The following PTPRU variants were observed in gnomAD, a reference collection of about 807,000 sequenced individuals.
PTPRU encodes the protein protein tyrosine phosphatase receptor type U.
In PTPRU, 69 loss-of-function variants were observed where a neutral mutation model predicts 166.3. That is an observed-to-expected ratio of 0.41 (90% CI 0.34 to 0.51). PTPRU has a LOEUF of 0.51. Ranked by LOEUF, PTPRU falls within the 20% of genes least tolerant of loss-of-function variation. The probability of loss-of-function intolerance (pLI) is 0.09; values close to 1 mark genes in which losing one functional copy is unlikely to be tolerated. For synonymous variants in PTPRU, 793 were observed against 814.0 expected (o/e 0.97, Z 0.44); for missense variants, 1,657 against 2,013.7 (o/e 0.82, Z 3.39).
At position 29,260,106 on chromosome 1, in the gene PTPRU, G is replaced by T; in HGVS notation, c.850+62G>T. On this transcript the variant is annotated intron_variant, in intron 6 of 29. Coordinates refer to ENST00000373779, the MANE Select transcript of PTPRU (RefSeq NM_133178.4). The surrounding 1 kb of genome is among the most constrained non-coding windows in gnomAD (Gnocchi z 8.3). ...CCCTCGAGGGGCGGGGCCGGCGACG[G>T]GGGCGGGCTCTGCCCGGGGGCGTGG... is the stretch of plus-strand genomic sequence containing the variant. 1 of 1,346,168 alleles carries T rather than the reference G, an allele frequency of 7.4e-7. No individual in the cohort carries two copies. The highest frequency in any genetic ancestry group is 9.5e-7 in the Non-Finnish European group (1 of 1,052,538). The allele number at this position is 1,346,168 out of a possible 1,614,324, so 83.4% of individuals were successfully genotyped here. A position where few individuals can be genotyped will look rare whatever the true frequency, so the allele number is the denominator to read the frequency against.
chr1:29,302,023 C>T (rs958875057), intron 15 of PTPRU, among the ~76,000 whole-genome samples: 4 of 151,994 alleles, frequency 2.6e-5, no homozygotes, highest in East Asian at 1.9e-4. Flanking sequence ...TAGAAGGCAA[C>T]GTTTTCATAG....
Position 29,260,850 on chromosome 1 carries a change from A to G in PTPRU, c.1091A>G (p.Asp364Gly), listed in dbSNP as rs766201050. 43 of 1,606,742 alleles carry G rather than the reference A, an allele frequency of 2.7e-5. No homozygotes were observed. Among genetic ancestry groups the G allele is most frequent in the Non-Finnish European group, 3.6e-5 (42 of 1,177,740 alleles). ...AGCGTGCTGCTCACGCGTCCCGGAG[A>G]CGGCGGCACTGGCCGCCCTGGGCCA... ...EISVLLTRPG[D>G]GGTGRPGPPL... is the part of the protein sequence containing the mutation. The change falls in exon 7 of 30, where the codon GAC becomes GGC. Residue 364 changes from aspartate to glycine, a missense_variant. Asp to Gly is a moderately conservative substitution (Grantham distance 94). Transcript: ENST00000373779. The surrounding 1 kb of genome is among the most constrained non-coding windows in gnomAD (Gnocchi z 8.3).
At chr1:29,287,657 C>T (rs1182850252) in intron 14 of PTPRU, among the ~76,000 whole-genome samples, 10 of 150,800 alleles carry the variant, frequency 6.6e-5, no homozygotes, top group Admixed American at 3.3e-4. Context: ...TGCGGTGGCG[C>T]GATCTCAGCT....
Position 29,236,607 on chromosome 1 carries a change from C to A in PTPRU, c.-38C>A. 8.2e-7 allele frequency: 1 copy of A among 1,217,286 alleles called. No individual in the cohort carries two copies. The highest frequency in any genetic ancestry group is 4.0e-5 in the South Asian group (1 of 25,086). The allele number at this position is 1,217,286 out of a possible 1,614,324, so 75.4% of individuals were successfully genotyped here. ...GCTCGGGCTCCGGGGGCGGCGTCCC[C>A]CGCGCCGGGCCCCGGGACGGGCGGC... is the stretch of plus-strand genomic sequence containing the variant. On this transcript the variant is annotated 5_prime_UTR_variant, in exon 1 of 30. Transcript: ENST00000373779. This position sits in a 1 kb window ranked among gnomAD's most constrained non-coding sequence, Gnocchi z 4.6.
chr1:29,325,985 GGCCAAGCCCCTTGGCAC>G lies in PTPRU; in HGVS notation c.*325_*341del. 2.3e-6 allele frequency: 1 copy of G among 435,320 alleles called. No homozygotes were observed. The highest frequency in any genetic ancestry group is 4.0e-6 in the Non-Finnish European group (1 of 250,256). The allele number at this position is 435,320 out of a possible 1,614,324, so 27.0% of individuals were successfully genotyped here. A position where few individuals can be genotyped will look rare whatever the true frequency, so the allele number is the denominator to read the frequency against. On this transcript the variant is annotated 3_prime_UTR_variant, in exon 30 of 30. Coordinates refer to ENST00000373779, the MANE Select transcript of PTPRU (RefSeq NM_133178.4). ...AGGACGGCTGGCTCTGGGGGACTCA[GGCCAAGCCCCTTGGCAC>G]CATCCTGGCTTTTGGCAGGGATGAG...
In PTPRU at chr1:29,279,094, G is replaced by A; in HGVS notation, c.1536G>A (p.Glu512=). ...MIFLKWEEPQ[E]PNGLITQYEI... is the part of the protein sequence containing the mutation. ...TCCTCAAGTGGGAGGAGCCCCAGGA[G>A]CCCAATGGTCTCATCACCCAGTATG... is the stretch of plus-strand genomic sequence containing the variant. The change falls in exon 9 of 30, where the codon GAG becomes GAA. Residue 512 remains glutamate, a synonymous_variant. Coordinates refer to ENST00000373779, the MANE Select transcript of PTPRU (RefSeq NM_133178.4). The surrounding 1 kb of genome is among the most constrained non-coding windows in gnomAD (Gnocchi z 5.2). 1 of 1,584,400 alleles carries A rather than the reference G, an allele frequency of 6.3e-7. No homozygotes were observed. The highest frequency in any genetic ancestry group is 2.3e-5 in the East Asian group (1 of 43,258).
chr1:29,238,119 GT>G lies in PTPRU; in HGVS notation c.73+1403del, dbSNP rs1406545762. On this transcript the variant is annotated intron_variant, in intron 1 of 29. Transcript: ENST00000373779. This position sits in a 1 kb window ranked among gnomAD's most constrained non-coding sequence, Gnocchi z 6.1. The stretch of plus-strand genomic sequence containing the variant: ...GTGTGGCTCCGCGCTTGTCTGCTGT[GT>G]GGTCGCGTTCTCCGGGTGTGTTTCG... Among the ~76,000 whole-genome samples, 18 of 152,086 alleles carry G rather than the reference GT, an allele frequency of 1.2e-4. No homozygotes were observed. The East Asian group carries it at 3.1e-3, about 26-fold the overall frequency.
At chr1:29,295,347 TTC>T (rs1686834986) in intron 15 of PTPRU, among the ~76,000 whole-genome samples, 1 of 152,162 alleles carries the variant, frequency 6.6e-6, no homozygotes, top group South Asian at 2.1e-4. Flanking sequence ...GCTCGGCTAA[TTC>T]TCTTTGTTAT....
intron 26 of PTPRU, among the ~76,000 whole-genome samples, chr1:29,322,914 G>T (rs747990794): frequency 1.2e-4 from 18 of 149,734 alleles, no homozygotes; most frequent in Non-Finnish European, 2.4e-4. Flanking sequence ...AGAAGTGGGG[G>T]TACTGAACTG....
intron 4 of PTPRU, 23 bp downstream of exon 4, chr1:29,259,365 C>T (rs372448401): frequency 1.1e-5 from 18 of 1,612,352 alleles, no homozygotes; most frequent in Non-Finnish European, 1.5e-5. Context: ...CCACTGGGGG[C>T]GCAGGGGTAA....
chr1:29,285,896 G>A lies in PTPRU; in HGVS notation c.2318+1027G>A, dbSNP rs531854473. Among the ~76,000 whole-genome samples the A allele has an allele frequency of 1.5e-4, 23 of 152,352 alleles. 1 individual carries two copies. The highest frequency in any genetic ancestry group is 1.2e-3 in the Admixed American group (18 of 15,308). Reference sequence around the variant, plus strand: ...AGCGCCTTAAATGAGGGATGGGGATGTTGAGGCCTAGAGGGCACGCAGGGC... The same window carrying A: ...AGCGCCTTAAATGAGGGATGGGGATATTGAGGCCTAGAGGGCACGCAGGGC... On this transcript the variant is annotated intron_variant, in intron 14 of 29. Coordinates refer to ENST00000373779, the MANE Select transcript of PTPRU (RefSeq NM_133178.4).
chr1:29,263,762 A>C (rs1256728910), intron 7 of PTPRU, among the ~76,000 whole-genome samples: 1 of 152,094 alleles, frequency 6.6e-6, no homozygotes, highest in African/African-American at 2.4e-5. Flanking sequence ...GCATTTTTTC[A>C]TGTGCTTATT....
At chr1:29,252,996 T>A (rs987692879) in intron 1 of PTPRU, among the ~76,000 whole-genome samples, 1 of 152,206 alleles carries the variant, frequency 6.6e-6, no homozygotes, top group African/African-American at 2.4e-5. Flanking sequence ...CTCCAGAACT[T>A]CTGGCCGACC....
intron 11 of PTPRU, 102 bp from the exon 12 acceptor site, chr1:29,282,574 C>G: frequency 6.9e-7 from 1 of 1,440,372 alleles, no homozygotes; most frequent in East Asian, 2.5e-5. Flanking sequence ...GAAGTTAGTC[C>G]CCAGGAGGGC....
Position 29,316,299 on chromosome 1 carries a change from A to T in PTPRU, c.3513+148A>T, listed in dbSNP as rs1687898082. The stretch of plus-strand genomic sequence containing the variant: ...GAGGGACAGAGCTGAGCTACCAGGA[A>T]GGACTTTGGGACAGCGGAAGATGGG... On this transcript the variant is annotated intron_variant, in intron 24 of 29. Transcript: ENST00000373779. The T allele has an allele frequency of 2.4e-5, 24 of 1,012,698 alleles. No individual in the cohort carries two copies. The South Asian group carries it at 4.0e-4, about 17-fold the overall frequency. 62.7% of individuals were successfully genotyped at this position (1,012,698 alleles called of 1,614,324 possible).
Position 29,260,175 on chromosome 1 carries a change from G to GT in PTPRU, c.850+131_850+132insT. ...GCAGGGTGTCGCTGGGGCGCTATCTGAAGATGGGCCTGTGGAAATGGCAGT... is the reference window on the plus strand; with the variant it reads ...GCAGGGTGTCGCTGGGGCGCTATCTGTAAGATGGGCCTGTGGAAATGGCAGT... On this transcript the variant is annotated intron_variant, in intron 6 of 29. Coordinates refer to ENST00000373779, the MANE Select transcript of PTPRU (RefSeq NM_133178.4). This position sits in a 1 kb window ranked among gnomAD's most constrained non-coding sequence, Gnocchi z 8.3. The GT allele has an allele frequency of 9.3e-7, 1 of 1,076,790 alleles. No homozygotes were observed. Among genetic ancestry groups the GT allele is most frequent in the Non-Finnish European group, 1.2e-6 (1 of 815,290 alleles). The allele number at this position is 1,076,790 out of a possible 1,614,324, so 66.7% of individuals were successfully genotyped here. A position where few individuals can be genotyped will look rare whatever the true frequency, so the allele number is the denominator to read the frequency against.
intron 1 of PTPRU, among the ~76,000 whole-genome samples, chr1:29,251,207 A>G (rs1428868383): frequency 6.6e-6 from 1 of 152,078 alleles, no homozygotes; most frequent in Non-Finnish European, 1.5e-5. Flanking sequence ...GAGCGAGATC[A>G]TGCTACTGCA....
chr1:29,252,271 C>CT (rs34153386), intron 1 of PTPRU, among the ~76,000 whole-genome samples: 115,156 of 135,660 alleles, frequency 0.85, 48,122 homozygotes, highest in Non-Finnish European at 0.91. Context: ...TTTTTTCTTT[C>CT]TTTTTTTTTT....
intron 7 of PTPRU, among the ~76,000 whole-genome samples, chr1:29,270,436 A>G (rs1685510072): frequency 6.6e-6 from 1 of 152,074 alleles, no homozygotes; most frequent in Non-Finnish European, 1.5e-5. Flanking sequence ...CCTCCCAAGT[A>G]GCTGGGACTA....
Sources: allele counts gnomAD v4.1 joint callset (sites outside exome capture counted in the v4.1 genomes callset), GRCh38; gene constraint gnomAD v4.1.1; non-coding constraint Gnocchi (gnomAD v3.1); transcripts MANE v1.5; gene names NCBI Gene and HGNC (gene_info 2026-07-23, HGNC 2026-07-21).